The following SLBP variants were observed in gnomAD, a reference collection of about 807,000 sequenced individuals.
SLBP encodes the protein histone RNA hairpin-binding protein.
Under a neutral mutation model 39.2 loss-of-function variants are expected in SLBP, and 29 were observed. That is an observed-to-expected ratio of 0.74 (90% CI 0.55 to 1.01). SLBP has a LOEUF of 1.01. Ranked by LOEUF, SLBP falls within the 50% of genes least tolerant of loss-of-function variation. The probability of loss-of-function intolerance (pLI) is 0.00; values close to 1 mark genes in which losing one functional copy is unlikely to be tolerated. For missense variants in SLBP, 390 were observed against 350.2 expected (o/e 1.11, Z -0.91); for synonymous variants, 129 against 118.7 (o/e 1.09, Z -0.57).
At chr4:1,698,793 ATTT>A (rs201493261) in intron 5 of SLBP, among the ~76,000 whole-genome samples, 3 of 146,432 alleles carry the variant, frequency 2.0e-5, no homozygotes, top group African/African-American at 5.0e-5. Flanking sequence ...CAAAAGTAAA[ATTT>A]TTTTTTTTAA....
At chr4:1,694,726 C>A in intron 7 of SLBP, 48 bp downstream of exon 7, 1 of 1,338,894 alleles carries the variant, frequency 7.5e-7, no homozygotes. Flanking sequence ...GTGTTATTAA[C>A]AATTCACCTG....
chr4:1,694,925 T>C, intron 6 of SLBP, 85 bp from the exon 7 acceptor site: 1 of 898,094 alleles, frequency 1.1e-6, no homozygotes, highest in Non-Finnish European at 1.9e-6. Context: ...CCCATCCATA[T>C]GGTACAGCCA....
At chr4:1,693,840 GCAA>G (rs1716007732) in intron 7 of SLBP, 127 bp from the exon 8 acceptor site, 2 of 664,634 alleles carry the variant, frequency 3.0e-6, no homozygotes, top group Non-Finnish European at 5.4e-6. Flanking sequence ...CACTTCACGT[GCAA>G]CTGAGACAGA....
At chr4:1,698,560 C>T (rs1003552490) in intron 5 of SLBP, among the ~76,000 whole-genome samples, 1 of 145,976 alleles carries the variant, frequency 6.9e-6, no homozygotes, top group Non-Finnish European at 1.5e-5. Context: ...TCTCGGCTCA[C>T]TGCAACCTCC....
chr4:1,698,133 AGACG>A (rs1172323899), intron 5 of SLBP, among the ~76,000 whole-genome samples: 1 of 151,836 alleles, frequency 6.6e-6, no homozygotes, highest in Admixed American at 6.6e-5. Context: ...AGGCAGAGAC[AGACG>A]GATCACGAGA....
intron 2 of SLBP, among the ~76,000 whole-genome samples, chr4:1,710,418 C>T (rs974908018): frequency 2.0e-5 from 3 of 152,222 alleles, no homozygotes; most frequent in Non-Finnish European, 2.9e-5. Flanking sequence ...TTCTTGATGC[C>T]TCTTTCCTGT....
chr4:1,712,030 G>C (rs991102760), intron 1 of SLBP, 40 bp from the exon 2 acceptor site: 2 of 1,256,708 alleles, frequency 1.6e-6, no homozygotes, highest in Admixed American at 4.2e-5. Context: ...CGGGAGGTTC[G>C]GGACCGCCTT....
rs1716108761 is a variant in SLBP, at chr4:1,696,473, T to C, written c.480-122A>G. On this transcript the variant is annotated intron_variant, in intron 5 of 7. Coordinates refer to ENST00000489418, the MANE Select transcript of SLBP (RefSeq NM_006527.4). ...AAATATTACAGATCACCAGGCATGG[T>C]GGCTCATGCCTGTAATCCTAGCATT... 3.6e-6 allele frequency: 3 copies of C among 826,770 alleles called. No homozygotes were observed. The South Asian group carries it at 8.4e-5, about 23-fold the overall frequency. 51.2% of individuals were successfully genotyped at this position (826,770 alleles called of 1,614,324 possible).
chr4:1,701,409 AG>A (rs1296254119), intron 3 of SLBP, among the ~76,000 whole-genome samples: 2 of 152,138 alleles, frequency 1.3e-5, no homozygotes, highest in African/African-American at 4.8e-5. Context: ...GGCCTCCCAA[AG>A]TACTGCGATT....
chr4:1,705,883 G>C (rs564602529), intron 2 of SLBP, among the ~76,000 whole-genome samples: 2 of 152,280 alleles, frequency 1.3e-5, no homozygotes, highest in Non-Finnish European at 2.9e-5. Flanking sequence ...CTACACAGGA[G>C]GCCCAGGCAG....
rs118190506 is a variant in SLBP at position 1,703,378 on chromosome 4, G to T, written c.281+218C>A. On this transcript the variant is annotated intron_variant, in intron 3 of 7. Transcript: ENST00000489418. ...TCTTCAAGCTTGAAAGAGTGGACCCGCCTGGAGGGCTTTTCACAGGATGGC... is the reference window on the plus strand; with the variant it reads ...TCTTCAAGCTTGAAAGAGTGGACCCTCCTGGAGGGCTTTTCACAGGATGGC... Among the ~76,000 whole-genome samples the T allele has an allele frequency of 1.4e-3, 216 of 151,950 alleles. 3 individuals are homozygous for T. The East Asian group carries it at 0.039, about 28-fold the overall frequency.
chr4:1,701,626 G>T (rs1297831232), intron 3 of SLBP, among the ~76,000 whole-genome samples: 1 of 152,174 alleles, frequency 6.6e-6, no homozygotes, highest in Non-Finnish European at 1.5e-5. Context: ...TGCAGCTTTG[G>T]CCAGGCAAGG....
At chr4:1,700,576 T>G (rs982918916) in intron 3 of SLBP, among the ~76,000 whole-genome samples, 4 of 152,070 alleles carry the variant, frequency 2.6e-5, no homozygotes, top group Non-Finnish European at 4.4e-5. Context: ...CTTTTTTTTT[T>G]TGAGATGGGG....
chr4:1,698,621 A>G (rs1716211773), intron 5 of SLBP, among the ~76,000 whole-genome samples: 1 of 149,876 alleles, frequency 6.7e-6, no homozygotes, highest in African/African-American at 2.5e-5. Context: ...AGTAGCTGGG[A>G]CTACAAATGT....
At chr4:1,699,097 C>T (rs1560246324) in intron 5 of SLBP, among the ~76,000 whole-genome samples, 1 of 152,148 alleles carries the variant, frequency 6.6e-6, no homozygotes. Flanking sequence ...TAAATTTCAA[C>T]CCCAATCCTG....
intron 5 of SLBP, 27 bp from the exon 6 acceptor site, chr4:1,696,378 A>G (rs1283307662): frequency 1.3e-6 from 2 of 1,502,216 alleles, no homozygotes; most frequent in Non-Finnish European, 1.8e-6. Flanking sequence ...ATTCTAGCAC[A>G]TGCCCACATG....
At chr4:1,709,784 T>G (rs1716666502) in intron 2 of SLBP, among the ~76,000 whole-genome samples, 1 of 152,184 alleles carries the variant, frequency 6.6e-6, no homozygotes, top group Non-Finnish European at 1.5e-5. Flanking sequence ...GCTAATTTTT[T>G]GTATTTTTAG....
chr4:1,703,702 T>G lies in SLBP; in HGVS notation c.177-2A>C. 1 of 1,599,420 alleles carries G rather than the reference T, an allele frequency of 6.3e-7. No individual in the cohort carries two copies. The highest frequency in any genetic ancestry group is 8.6e-7 in the Non-Finnish European group (1 of 1,166,642). On this transcript the variant is annotated splice_acceptor_variant, in intron 2 of 7. Transcript: ENST00000489418. LOFTEE classifies it high-confidence loss of function. ...TTAGGGCCTTCAGGAGTGGTAAAGCTGCAATAAAAGGAAAATGCTACTGAA... is the reference window on the plus strand; with the variant it reads ...TTAGGGCCTTCAGGAGTGGTAAAGCGGCAATAAAAGGAAAATGCTACTGAA...
At chr4:1,709,584 T>G (rs1716653728) in intron 2 of SLBP, among the ~76,000 whole-genome samples, 1 of 152,126 alleles carries the variant, frequency 6.6e-6, no homozygotes, top group South Asian at 2.1e-4. Context: ...CCTGCCTCCC[T>G]TTCACTGTTT....
Sources: allele counts gnomAD v4.1 joint callset (sites outside exome capture counted in the v4.1 genomes callset), GRCh38; gene constraint gnomAD v4.1.1; transcripts MANE v1.5; gene names NCBI Gene and HGNC (gene_info 2026-07-23, HGNC 2026-07-21).